Variants in PIAS2 observed in about 807,000 individuals in gnomAD.
The protein encoded by PIAS2 is E3 SUMO-protein ligase PIAS2.
PIAS2 carries 19 observed loss-of-function variants against 69.7 expected under a neutral mutation model. The observed-to-expected ratio is 0.27, with a 90% confidence interval of 0.19 to 0.40. The LOEUF (loss-of-function observed/expected upper bound fraction) is 0.40. Among genes scored for constraint, PIAS2 ranks in the 10% least tolerant of loss-of-function variants. PIAS2 has a pLI of 1.00. For synonymous variants in PIAS2, 261 were observed against 263.2 expected (o/e 0.99, Z 0.08); for missense variants, 624 against 757.0 (o/e 0.82, Z 2.06).
chr18:46,858,651 T>G (rs1403836145), intron 3 of PIAS2, among the ~76,000 whole-genome samples: 1 of 152,188 alleles, frequency 6.6e-6, no homozygotes, highest in African/African-American at 2.4e-5. Flanking sequence ...GAGCCTTGAT[T>G]GCGGCACTGT....
At position 46,824,853 on chromosome 18, in the gene PIAS2, A is replaced by C. The variant is rs1224544816; in HGVS notation, c.1508+3106T>G. Among the ~76,000 whole-genome samples the C allele has an allele frequency of 6.6e-5, 10 of 150,676 alleles. 1 individual carries two copies. The South Asian group carries it at 8.5e-4, about 13-fold the overall frequency. ...CCCCATGTTTACAAAAAAAAAAAAA[A>C]CACAAAAAAATTAGCTGGGGGTGGT... On this transcript the variant is annotated intron_variant, in intron 11 of 13. Coordinates refer to ENST00000585916, the MANE Select transcript of PIAS2 (RefSeq NM_004671.5).
intron 12 of PIAS2, chr18:46,815,840 A>G: frequency 1.0e-6 from 1 of 990,268 alleles, no homozygotes; most frequent in Non-Finnish European, 1.2e-6. Flanking sequence ...AGAGCAGTAC[A>G]TAGTCCAACG....
At chr18:46,860,785 G>A (rs890577831) in intron 3 of PIAS2, among the ~76,000 whole-genome samples, 9 of 152,032 alleles carry the variant, frequency 5.9e-5, no homozygotes, top group African/African-American at 1.9e-4. Context: ...GAGACTAGCC[G>A]AGGCAATACT....
intron 1 of PIAS2, among the ~76,000 whole-genome samples, chr18:46,916,530 G>C (rs938775470): frequency 6.6e-6 from 1 of 152,098 alleles, no homozygotes; most frequent in Admixed American, 6.6e-5. Flanking sequence ...TCAGTCTGGG[G>C]GGAAAAAGTC....
intron 12 of PIAS2, chr18:46,816,251 T>C: frequency 1.0e-6 from 1 of 982,126 alleles, no homozygotes; most frequent in Non-Finnish European, 1.2e-6. Context: ...TCTGACATTA[T>C]GCTTTTATGC....
chr18:46,874,755 T>C (rs564562819), intron 2 of PIAS2, among the ~76,000 whole-genome samples: 87 of 152,152 alleles, frequency 5.7e-4, no homozygotes, highest in African/African-American at 8.7e-4. Flanking sequence ...TGTCTTCCAC[T>C]TTCTCTTCCC....
At position 46,812,456 on chromosome 18, in the gene PIAS2, G is replaced by C. The variant is rs1380297928; in HGVS notation, c.1843C>G (p.Pro615Ala). Reference protein sequence around the residue: ...GVITSSGSNIPDIISLD With the variant: ...GVITSSGSNIADIISLD ...CTTTAGTCCAATGAGATGATGTCAGGAATGTTACTTCCACTGCTGGTTATG... is the reference window on the plus strand; with the variant it reads ...CTTTAGTCCAATGAGATGATGTCAGCAATGTTACTTCCACTGCTGGTTATG... The change falls in exon 14 of 14, where the codon CCT (proline) becomes GCT (alanine). Residue 615 changes from proline to alanine, a missense_variant. By Grantham distance (27) the Pro-to-Ala change is conservative. This residue lies in a region of PIAS2 where 241 missense variants were observed against 257.3 expected (regional missense o/e 0.94). Transcript: ENST00000585916. 6.2e-7 allele frequency: 1 copy of C among 1,611,196 alleles called. No individual in the cohort carries two copies. The highest frequency in any genetic ancestry group is 1.1e-5 in the South Asian group (1 of 90,716).
Position 46,806,973 on chromosome 18 carries a change from T to G in PIAS2, c.*5460A>C. On this transcript the variant is annotated 3_prime_UTR_variant, in exon 14 of 14. Coordinates refer to ENST00000585916, the MANE Select transcript of PIAS2 (RefSeq NM_004671.5). ...TCAAACATCTGAAGGTAGCAATCTG[T>G]TTTTTTCTTTCCCTGCAGCTACCCT... 6.6e-6 allele frequency: 1 copy of G among 152,120 alleles called. No individual in the cohort carries two copies. Among genetic ancestry groups the G allele is most frequent in the East Asian group, 1.9e-4 (1 of 5,188 alleles). 9.4% of individuals were successfully genotyped at this position (152,120 alleles called of 1,614,324 possible). A position where few individuals can be genotyped will look rare whatever the true frequency, so the allele number is the denominator to read the frequency against.
chr18:46,844,690 T>C (rs752882814), intron 7 of PIAS2, 44 bp downstream of exon 7: 19 of 469,816 alleles, frequency 4.0e-5, no homozygotes, highest in Non-Finnish European at 6.1e-5. Flanking sequence ...TGCTCAATCT[T>C]TTTTTTTTTT....
intron 1 of PIAS2, among the ~76,000 whole-genome samples, chr18:46,899,567 A>G (rs2055454692): frequency 6.6e-6 from 1 of 152,206 alleles, no homozygotes; most frequent in Admixed American, 6.5e-5. Context: ...TCCTGAGCTC[A>G]AGTGATCTTC....
chr18:46,849,589 C>G (rs142909787), intron 5 of PIAS2, among the ~76,000 whole-genome samples: 1 of 152,234 alleles, frequency 6.6e-6, no homozygotes, highest in East Asian at 1.9e-4. Context: ...TTTTATGTTT[C>G]ATGCTCTGAT....
intron 9 of PIAS2, among the ~76,000 whole-genome samples, chr18:46,832,892 C>A (rs1483351114): frequency 9.9e-3 from 1,039 of 105,192 alleles, no homozygotes; most frequent in East Asian, 0.014. Context: ...CCTCTGTCTC[C>A]AAAAAAAAAA....
At position 46,818,600 on chromosome 18, in the gene PIAS2, A is replaced by G. The variant is rs373041300; in HGVS notation, c.1648+2333T>C. ...TACCAAAACTCTTCACAGTATGACT[A>G]ACTACATAAAAATTATGCATAAAAA... On this transcript the variant is annotated intron_variant, in intron 12 of 13. Coordinates refer to ENST00000585916, the MANE Select transcript of PIAS2 (RefSeq NM_004671.5). Among the ~76,000 whole-genome samples, 24 of 152,142 alleles carry G rather than the reference A, an allele frequency of 1.6e-4. No homozygotes were observed. In the East Asian group the frequency reaches 3.5e-3, roughly 22 times the overall value.
At chr18:46,887,895 G>T (rs1259402041) in intron 2 of PIAS2, among the ~76,000 whole-genome samples, 3 of 152,054 alleles carry the variant, frequency 2.0e-5, no homozygotes, top group Non-Finnish European at 4.4e-5. Context: ...GAAATAAAAG[G>T]CATACAAACA....
chr18:46,901,142 G>C (rs1304642050), intron 1 of PIAS2: 3 of 349,488 alleles, frequency 8.6e-6, no homozygotes, highest in African/African-American at 2.2e-5. Context: ...TACAGGCTGG[G>C]TGCGGTGGCT....
At chr18:46,911,511 C>T (rs566898016) in intron 1 of PIAS2, among the ~76,000 whole-genome samples, 4 of 152,168 alleles carry the variant, frequency 2.6e-5, no homozygotes, top group South Asian at 2.1e-4. Flanking sequence ...CCACTGTGCC[C>T]GGCTGACTTT....
intron 8 of PIAS2, among the ~76,000 whole-genome samples, chr18:46,836,857 A>G (rs2044510878): frequency 6.6e-6 from 1 of 152,184 alleles, no homozygotes; most frequent in African/African-American, 2.4e-5. Flanking sequence ...AGATGTTCTA[A>G]GCATAAACCA....
intron 2 of PIAS2, among the ~76,000 whole-genome samples, chr18:46,875,940 G>A (rs945858353): frequency 6.6e-6 from 1 of 152,128 alleles, no homozygotes; most frequent in Non-Finnish European, 1.5e-5. Context: ...CCTGAAGTTC[G>A]GCACCCTATG....
In PIAS2 at chr18:46,827,997, G is replaced by A. The variant is rs1205373144; in HGVS notation, c.1470C>T (p.Cys490=). Residue 490 remains cysteine, a synonymous_variant, in exon 11 of 14, where the codon TGC becomes TGT. Transcript: ENST00000585916. ...TGCTTTGTGTTTCTGACATAAAGATGCATTTCCTTTTGGCAGGAGGGTCTT... is the reference window on the plus strand; with the variant it reads ...TGCTTTGTGTTTCTGACATAAAGATACATTTCCTTTTGGCAGGAGGGTCTT... ...EEEDPPAKRK[C]IFMSETQSSP... 3 of 1,613,848 alleles carry A rather than the reference G, an allele frequency of 1.9e-6. No individual in the cohort carries two copies. The South Asian group carries it at 3.3e-5, about 18-fold the overall frequency.
Sources: allele counts gnomAD v4.1 joint callset (sites outside exome capture counted in the v4.1 genomes callset), GRCh38; gene constraint gnomAD v4.1.1; regional missense constraint gnomAD v4.1.1; transcripts MANE v1.5; gene names NCBI Gene and HGNC (gene_info 2026-07-23, HGNC 2026-07-21).